AMBRA1: variants seen among roughly 807,000 people sequenced by gnomAD.
AMBRA1 encodes the protein autophagy and beclin 1 regulator 1.
Under a neutral mutation model 125.4 loss-of-function variants are expected in AMBRA1, and 47 were observed. The ratio of observed to expected loss-of-function variants is 0.37; its 90% CI spans 0.30 to 0.48. The LOEUF (loss-of-function observed/expected upper bound fraction) is 0.48. AMBRA1 is among the 20% of genes least tolerant of loss of function. The pLI, the probability that AMBRA1 is intolerant of heterozygous loss-of-function variation, is 0.99. For missense variants in AMBRA1, 1,331 were observed against 1,693.4 expected, an observed-to-expected ratio of 0.79 and a Z score of 3.76; for synonymous variants, 626 against 655.5, an observed-to-expected ratio of 0.95 and a Z score of 0.69.
Position 46,397,436 on chromosome 11 carries a change from T to C in AMBRA1, c.*14A>G. On this transcript the variant is annotated 3_prime_UTR_variant, in exon 18 of 18. Coordinates refer to ENST00000683756, the MANE Select transcript of AMBRA1 (RefSeq NM_001387011.1). ...TTGGCGGTTCGAGGGGAGGCACCAG[T>C]GCAACGTTTGTCTCTACCTGTTCCG... 1 of 1,485,192 alleles carries C rather than the reference T, an allele frequency of 6.7e-7. No homozygotes were observed. The highest frequency in any genetic ancestry group is 1.4e-5 in the South Asian group (1 of 69,504). The allele number at this position is 1,485,192 out of a possible 1,614,324, so 92.0% of individuals were successfully genotyped here. A position where few individuals can be genotyped will look rare whatever the true frequency, so the allele number is the denominator to read the frequency against.
At chr11:46,465,408 C>A (rs1442913815) in intron 11 of AMBRA1, among the ~76,000 whole-genome samples, 1 of 152,192 alleles carries the variant, frequency 6.6e-6, no homozygotes, top group African/African-American at 2.4e-5. Context: ...GGAATAAAAA[C>A]AAAATCCTGG....
chr11:46,443,626 C>T, intron 11 of AMBRA1, 28 bp from the exon 12 acceptor site: 1 of 1,566,924 alleles, frequency 6.4e-7, no homozygotes, highest in Non-Finnish European at 8.8e-7. Context: ...AAAGACAGCA[C>T]ATTATATTAT....
chr11:46,500,485 T>G (rs988179340), intron 9 of AMBRA1, among the ~76,000 whole-genome samples: 6 of 152,242 alleles, frequency 3.9e-5, no homozygotes, highest in Non-Finnish European at 8.8e-5. Flanking sequence ...CTTGTCACTT[T>G]AGGTCACCTT....
intron 11 of AMBRA1, among the ~76,000 whole-genome samples, chr11:46,467,952 G>C (rs1949397999): frequency 6.6e-6 from 1 of 152,148 alleles, no homozygotes; most frequent in Non-Finnish European, 1.5e-5. Flanking sequence ...TATAAGCAGG[G>C]AACAACCAGG....
rs1465723322 is a variant in AMBRA1, at chr11:46,547,843, G to A, written c.168C>T (p.Thr56=). ...RVELPDSPRS[T]FLLAFSPDRT... ...TGTCTGGGCTGAAGGCCAATAAGAA[G>A]GTAGAGCGTGGACTATCCGGCAGTT... The change falls in exon 3 of 18, where the codon ACC becomes ACT. Residue 56 remains threonine (T), a synonymous_variant. Coordinates refer to ENST00000683756, the MANE Select transcript of AMBRA1 (RefSeq NM_001387011.1). The A allele has an allele frequency of 1.2e-6, 2 of 1,609,890 alleles. No individual in the cohort carries two copies. Among genetic ancestry groups the A allele is most frequent in the African/African-American group, 2.7e-5 (2 of 74,454 alleles).
chr11:46,590,912 CAAAAAAAAAAA>C (rs554383816), intron 1 of AMBRA1, among the ~76,000 whole-genome samples: 1 of 76,728 alleles, frequency 1.3e-5, no homozygotes, highest in Admixed American at 1.6e-4. Context: ...GACTCCATCT[CAAAAAAAAAAA>C]AAAAGAAAAA....
chr11:46,578,393 AAC>A (rs2044039044), intron 1 of AMBRA1, among the ~76,000 whole-genome samples: 1 of 151,926 alleles, frequency 6.6e-6, no homozygotes, highest in Non-Finnish European at 1.5e-5. Context: ...AGGCTGAGGC[AAC>A]AGAGTTGCTT....
chr11:46,424,652 A>C (rs1947024406), intron 14 of AMBRA1, among the ~76,000 whole-genome samples: 1 of 151,780 alleles, frequency 6.6e-6, no homozygotes. Flanking sequence ...TTCAAGACCA[A>C]CCTAGCTGAC....
chr11:46,498,476 A>C (rs116391569), intron 9 of AMBRA1, among the ~76,000 whole-genome samples: 1 of 152,122 alleles, frequency 6.6e-6, no homozygotes, highest in East Asian at 1.9e-4. Flanking sequence ...GAGTAGGGGG[A>C]AAAATACTTT....
chr11:46,479,606 A>C (rs757003909), intron 11 of AMBRA1, among the ~76,000 whole-genome samples: 14 of 151,464 alleles, frequency 9.2e-5, no homozygotes, highest in Non-Finnish European at 8.8e-5. Context: ...CTGAGGCAGG[A>C]GAATCACTTG....
At chr11:46,446,828 C>T (rs998154472) in intron 11 of AMBRA1, among the ~76,000 whole-genome samples, 4 of 152,242 alleles carry the variant, frequency 2.6e-5, no homozygotes, top group Admixed American at 1.3e-4. Context: ...ATGTCTGCTG[C>T]TAACAAGTGA....
intron 6 of AMBRA1, among the ~76,000 whole-genome samples, chr11:46,543,686 G>A (rs577722401): frequency 6.6e-6 from 1 of 152,296 alleles, no homozygotes; most frequent in East Asian, 1.9e-4. Flanking sequence ...GTGAGGGGAA[G>A]CAAAATGTCA....
intron 11 of AMBRA1, among the ~76,000 whole-genome samples, chr11:46,492,189 GGTATAGTCT>G (rs1163309969): frequency 6.6e-6 from 1 of 152,190 alleles, no homozygotes; most frequent in Non-Finnish European, 1.5e-5. Context: ...AGGAGATTGT[GGTATAGTCT>G]GCTCTCCTGC....
intron 11 of AMBRA1, among the ~76,000 whole-genome samples, chr11:46,450,651 C>T (rs777440190): frequency 6.6e-6 from 1 of 152,106 alleles, no homozygotes; most frequent in Non-Finnish European, 1.5e-5. Context: ...CCATGTTGCC[C>T]AGCCTTGTCT....
intron 15 of AMBRA1, among the ~76,000 whole-genome samples, chr11:46,410,951 A>G (rs1946260355): frequency 6.6e-6 from 1 of 152,160 alleles, no homozygotes; most frequent in South Asian, 2.1e-4. Flanking sequence ...AAATACAAAA[A>G]TTAGCTGGCC....
At chr11:46,567,003 G>A (rs189301982) in intron 1 of AMBRA1, among the ~76,000 whole-genome samples, 1 of 152,246 alleles carries the variant, frequency 6.6e-6, no homozygotes, top group East Asian at 1.9e-4. Flanking sequence ...GCAACAGAGT[G>A]AGCCCTGTCT....
chr11:46,428,906 T>G lies in AMBRA1; in HGVS notation c.2976+4568A>C, dbSNP rs1947303734. 4.3e-6 allele frequency: 7 copies of G among 1,611,838 alleles called. No individual in the cohort carries two copies. In the Admixed American group the frequency reaches 1.2e-4, roughly 27 times the overall value. On this transcript the variant is annotated intron_variant, in intron 14 of 17. Coordinates refer to ENST00000683756, the MANE Select transcript of AMBRA1 (RefSeq NM_001387011.1). ...CACAATCTCTGGGGGCAGATGAAGG[T>G]AATCACGGAGATACTGGATACCCTC... is the stretch of plus-strand genomic sequence containing the variant.
chr11:46,587,941 G>A (rs2044461088), intron 1 of AMBRA1, among the ~76,000 whole-genome samples: 1 of 152,048 alleles, frequency 6.6e-6, no homozygotes, highest in Non-Finnish European at 1.5e-5. Flanking sequence ...AAAAAACACG[G>A]TACCAAAACA....
intron 7 of AMBRA1, among the ~76,000 whole-genome samples, chr11:46,516,332 T>C (rs1951480027): frequency 2.0e-5 from 3 of 151,818 alleles, no homozygotes; most frequent in Admixed American, 6.6e-5. Context: ...GCTTCTCCAA[T>C]TGGTGTGGAA....
Sources: gnomAD v4.1 joint callset for allele counts (sites outside exome capture counted in the v4.1 genomes callset) on GRCh38, gnomAD v4.1.1 for gene constraint, MANE v1.5 for transcripts, NCBI Gene and HGNC (gene_info 2026-07-23, HGNC 2026-07-21) for gene names.